The following TXNDC8 variants were observed in gnomAD, a reference collection of about 807,000 sequenced individuals.
TXNDC8 encodes thioredoxin domain-containing protein 8.
TXNDC8 carries 15 observed loss-of-function variants against 12.9 expected under a neutral mutation model. The observed-to-expected ratio is 1.16, with a 90% CI of 0.78 to 1.79. The LOEUF (loss-of-function observed/expected upper bound fraction) is 1.79, where lower values mean the gene tolerates loss of function less well. TXNDC8 is among the 40% of genes most tolerant of loss of function. The probability of loss-of-function intolerance (pLI) is 0.00; values close to 1 mark genes in which losing one functional copy is unlikely to be tolerated. For synonymous variants in TXNDC8, 40 were observed against 35.4 expected, an observed-to-expected ratio of 1.13 and a Z score of -0.46; for missense variants, 128 against 113.2, an observed-to-expected ratio of 1.13 and a Z score of -0.59.
At chr9:110,314,956 G>A (rs1838829334) in intron 3 of TXNDC8, among the ~76,000 whole-genome samples, 1 of 152,164 alleles carries the variant, frequency 6.6e-6, no homozygotes, top group South Asian at 2.1e-4. Flanking sequence ...CAAGAGAATG[G>A]GGTGTGGCTG....
intron 2 of TXNDC8, 41 bp from the exon 4 acceptor site, chr9:110,326,281 G>T: frequency 6.2e-7 from 1 of 1,605,540 alleles, no homozygotes; most frequent in African/African-American, 1.3e-5. Context: ...CAGTATTGGT[G>T]TCCTCTCTCT....
intron 2 of TXNDC8, among the ~76,000 whole-genome samples, chr9:110,333,360 T>A (rs372809914): frequency 6.6e-6 from 1 of 152,312 alleles, no homozygotes; most frequent in South Asian, 2.1e-4. Flanking sequence ...AGAATCTTAA[T>A]ACCTGATGAT....
intron 2 of TXNDC8, among the ~76,000 whole-genome samples, chr9:110,330,935 C>A (rs1839520978): frequency 6.6e-6 from 1 of 152,050 alleles, no homozygotes; most frequent in Admixed American, 6.6e-5. Flanking sequence ...CATCCATTAG[C>A]AATTTCTTCA....
intron 3 of TXNDC8, among the ~76,000 whole-genome samples, chr9:110,320,299 T>C (rs1028641161): frequency 1.3e-5 from 2 of 152,156 alleles, no homozygotes; most frequent in Non-Finnish European, 2.9e-5. Context: ...GGGCGGGTCT[T>C]TCCTGTGCTA....
chr9:110,305,989 C>G (rs1432180565), intron 3 of TXNDC8, among the ~76,000 whole-genome samples: 3 of 151,978 alleles, frequency 2.0e-5, no homozygotes, highest in Admixed American at 2.0e-4. Flanking sequence ...CTCCCGGCTT[C>G]AAGCGATTCT....
At chr9:110,331,706 G>A (rs1433716145) in intron 2 of TXNDC8, among the ~76,000 whole-genome samples, 1 of 152,108 alleles carries the variant, frequency 6.6e-6, no homozygotes, top group African/African-American at 2.4e-5. Context: ...TCAGGTATTC[G>A]ATTCTCATAA....
At chr9:110,322,525 C>T (rs1587975743) in intron 3 of TXNDC8, 1 of 985,270 alleles carries the variant, frequency 1.0e-6, no homozygotes. Flanking sequence ...CATCCCCATA[C>T]AGAATTGAGA....
At chr9:110,306,919 C>T (rs78971537) in intron 3 of TXNDC8, among the ~76,000 whole-genome samples, 4,279 of 151,884 alleles carry the variant, frequency 0.028, 201 homozygotes, top group African/African-American at 0.097. Context: ...GAAGACTATA[C>T]CCGAAATTTT....
At chr9:110,319,602 T>C (rs1405990048) in intron 3 of TXNDC8, among the ~76,000 whole-genome samples, 2 of 152,236 alleles carry the variant, frequency 1.3e-5, no homozygotes, top group Non-Finnish European at 2.9e-5. Context: ...TCTGACTCTA[T>C]AGATGGCAAA....
rs370498078 is a variant in TXNDC8 at position 110,315,161 on chromosome 9, G to A, written c.196-10629C>T. ...TGCCCAGGCTGGAGTGCAATGGCAT[G>A]CTCTTGGCTCACTGCAACCTCCGCC... On this transcript the variant is annotated intron_variant, in intron 3 of 4. Transcript: ENST00000423740. Among the ~76,000 whole-genome samples, 137 of 152,124 alleles carry A rather than the reference G, an allele frequency of 9.0e-4. 1 individual carries two copies. In the South Asian group the frequency reaches 0.013, roughly 14 times the overall value.
chr9:110,302,020 C>T (rs556319246), downstream of TXNDC8, among the ~76,000 whole-genome samples: 9 of 151,942 alleles, frequency 5.9e-5, no homozygotes, highest in Non-Finnish European at 1.2e-4. Context: ...GACTGAGTCT[C>T]GCTCTATTAT....
At chr9:110,323,432 G>C (rs1839187368) in intron 3 of TXNDC8, 3 of 745,748 alleles carry the variant, frequency 4.0e-6, no homozygotes, top group South Asian at 6.2e-5. Context: ...CAAGAATTGA[G>C]AAATGGCTAT....
chr9:110,311,557 A>C (rs1554702023), intron 3 of TXNDC8, among the ~76,000 whole-genome samples: 30 of 125,940 alleles, frequency 2.4e-4, no homozygotes, highest in African/African-American at 5.6e-4. Flanking sequence ...ATATATATAT[A>C]TCTCCATACT....
intron 1 of TXNDC8, among the ~76,000 whole-genome samples, chr9:110,334,878 T>C (rs1264371218): frequency 2.8e-5 from 4 of 143,658 alleles, no homozygotes; most frequent in Non-Finnish European, 6.0e-5. Flanking sequence ...CCTTGAGTAA[T>C]TTCTTGTTTT....
intron 2 of TXNDC8, among the ~76,000 whole-genome samples, chr9:110,326,788 T>C (rs1839336225): frequency 6.6e-6 from 1 of 152,206 alleles, no homozygotes; most frequent in Admixed American, 6.5e-5. Context: ...ATTGTTTTAA[T>C]CTATTTCAAA....
chr9:110,306,528 C>T (rs1468406816), intron 3 of TXNDC8, among the ~76,000 whole-genome samples: 1 of 152,164 alleles, frequency 6.6e-6, no homozygotes, highest in Non-Finnish European at 1.5e-5. Context: ...TTTGTCCTGT[C>T]TCCCTCCCTG....
At chr9:110,323,964 T>C (rs1255210109) in intron 3 of TXNDC8, 1 of 1,550,716 alleles carries the variant, frequency 6.4e-7, no homozygotes, top group East Asian at 2.4e-5. Flanking sequence ...CTGATGGGGA[T>C]GGAGTTCACT....
At chr9:110,308,800 A>G (rs1838554699) in intron 3 of TXNDC8, among the ~76,000 whole-genome samples, 1 of 152,254 alleles carries the variant, frequency 6.6e-6, no homozygotes, top group South Asian at 2.1e-4. Context: ...TTCAGAGCAA[A>G]GGTGCCACTC....
chr9:110,313,936 A>G (rs1213493764), intron 3 of TXNDC8, among the ~76,000 whole-genome samples: 1 of 152,102 alleles, frequency 6.6e-6, no homozygotes, highest in Non-Finnish European at 1.5e-5. Flanking sequence ...GAGACCAGAA[A>G]CTCATTTTCT....
Sources: allele counts gnomAD v4.1 joint callset (sites outside exome capture counted in the v4.1 genomes callset), GRCh38; gene constraint gnomAD v4.1.1; transcripts MANE v1.5; gene names NCBI Gene and HGNC (gene_info 2026-07-23, HGNC 2026-07-21).